MAP1LC3B: variants seen among roughly 807,000 people sequenced by gnomAD.
The protein encoded by MAP1LC3B is microtubule associated protein 1 light chain 3 beta.
MAP1LC3B carries 12 observed loss-of-function variants against 16.7 expected under a neutral mutation model. The ratio of observed to expected loss-of-function variants is 0.72; its 90% CI spans 0.46 to 1.16. The LOEUF (loss-of-function observed/expected upper bound fraction) is 1.16. MAP1LC3B is among the 50% of genes most tolerant of loss of function. The probability of loss-of-function intolerance (pLI) is 0.00; values close to 1 mark genes in which losing one functional copy is unlikely to be tolerated. For missense variants in MAP1LC3B, 155 were observed against 159.5 expected, an observed-to-expected ratio of 0.97 and a Z score of 0.15; for synonymous variants, 63 against 56.5, an observed-to-expected ratio of 1.11 and a Z score of -0.51.
intron 2 of MAP1LC3B, 93 bp from the exon 3 acceptor site, chr16:87,402,082 G>C: frequency 8.2e-7 from 1 of 1,216,936 alleles, no homozygotes; most frequent in Non-Finnish European, 1.2e-6. Context: ...TGATGTGCCC[G>C]CCTCGGCCTC....
At position 87,398,887 on chromosome 16, in the gene MAP1LC3B, C is replaced by T; in HGVS notation, c.96+17C>T. The T allele has an allele frequency of 1.2e-6, 2 of 1,612,494 alleles. No individual in the cohort carries two copies. The highest frequency in any genetic ancestry group is 2.2e-5 in the South Asian group (2 of 91,050). On this transcript the variant is annotated intron_variant, in intron 2 of 3. Coordinates refer to ENST00000268607, the MANE Select transcript of MAP1LC3B (RefSeq NM_022818.5). ...AAAATCCCGGTAGGTAGTCTCAGGC[C>T]TCGGTTTCAGTCATGAATGTACGCA...
At chr16:87,394,050 AG>A (rs1483245629) in intron 1 of MAP1LC3B, among the ~76,000 whole-genome samples, 1 of 152,224 alleles carries the variant, frequency 6.6e-6, no homozygotes, top group Non-Finnish European at 1.5e-5. Context: ...CATCCGAACA[AG>A]GAATTTCCTG....
intron 2 of MAP1LC3B, chr16:87,399,905 C>T: frequency 4.5e-6 from 1 of 220,806 alleles, no homozygotes; most frequent in Non-Finnish European, 9.3e-6. Context: ...TCCTGAATAG[C>T]TGGGACTACA....
intron 1 of MAP1LC3B, among the ~76,000 whole-genome samples, chr16:87,397,842 A>C (rs1907858590): frequency 6.6e-6 from 1 of 150,944 alleles, no homozygotes; most frequent in African/African-American, 2.4e-5. Flanking sequence ...CATCTAAGTC[A>C]TATGTTCACA....
At position 87,403,961 on chromosome 16, in the gene MAP1LC3B, G is replaced by C. The variant is rs1908085234; in HGVS notation, c.*864G>C. ...GGGAGAAACACAAAATAGTATAACT[G>C]AAAACATTAACATTCAGACACACTC... On this transcript the variant is annotated 3_prime_UTR_variant, in exon 4 of 4. Coordinates refer to ENST00000268607, the MANE Select transcript of MAP1LC3B (RefSeq NM_022818.5). 6.6e-6 allele frequency: 1 copy of C among 152,186 alleles called. No homozygotes were observed. The highest frequency in any genetic ancestry group is 2.4e-5 in the African/African-American group (1 of 41,438). 9.4% of individuals were successfully genotyped at this position (152,186 alleles called of 1,614,324 possible).
At chr16:87,400,326 C>A (rs1270530746) in intron 2 of MAP1LC3B, 1 of 151,626 alleles carries the variant, frequency 6.6e-6, no homozygotes, top group Non-Finnish European at 1.5e-5. Context: ...TGCAGGCGCC[C>A]ACCACCATGC....
At chr16:87,399,538 C>A (rs1182717056) in intron 2 of MAP1LC3B, 1 of 443,006 alleles carries the variant, frequency 2.3e-6, no homozygotes, top group Non-Finnish European at 4.5e-6. Context: ...ATTTTTCTTT[C>A]CCAAAGAAGC....
chr16:87,401,387 T>C (rs1276251284), intron 2 of MAP1LC3B, among the ~76,000 whole-genome samples: 1 of 152,202 alleles, frequency 6.6e-6, no homozygotes, highest in East Asian at 1.9e-4. Flanking sequence ...TACTATATTT[T>C]GTAAGGGGTA....
At chr16:87,399,516 G>GT in intron 2 of MAP1LC3B, 1 of 434,902 alleles carries the variant, frequency 2.3e-6, no homozygotes, top group Non-Finnish European at 4.6e-6. Flanking sequence ...ATAGAACAAT[G>GT]TACAAATAAG....
At position 87,404,268 on chromosome 16, in the gene MAP1LC3B, G is replaced by T. The variant is rs937422874; in HGVS notation, c.*1171G>T. The stretch of plus-strand genomic sequence containing the variant: ...CTAGTGCTTCCCAGTACTTGCATGG[G>T]GTTCACTATTTATAGTTTTCTTGGG... On this transcript the variant is annotated 3_prime_UTR_variant, in exon 4 of 4. Coordinates refer to ENST00000268607, the MANE Select transcript of MAP1LC3B (RefSeq NM_022818.5). 6.6e-6 allele frequency: 1 copy of T among 152,080 alleles called. No individual in the cohort carries two copies. The highest frequency in any genetic ancestry group is 1.5e-5 in the Non-Finnish European group (1 of 68,028). 9.4% of individuals were successfully genotyped at this position (152,080 alleles called of 1,614,324 possible).
At chr16:87,392,507 G>A (rs3748397) in intron 1 of MAP1LC3B, 40 bp downstream of exon 1, 1 of 1,293,080 alleles carries the variant, frequency 7.7e-7, no homozygotes, top group Admixed American at 4.3e-5. Flanking sequence ...GGCGGGGCCG[G>A]GGTCCGAGCT....
intron 2 of MAP1LC3B, chr16:87,399,758 C>G: frequency 3.0e-6 from 1 of 329,284 alleles, no homozygotes; most frequent in South Asian, 2.4e-5. Flanking sequence ...AGTGAGGAGC[C>G]AATGGATTAT....
At chr16:87,398,608 T>C (rs1209075404) in intron 1 of MAP1LC3B, among the ~76,000 whole-genome samples, 5 of 152,184 alleles carry the variant, frequency 3.3e-5, no homozygotes, top group African/African-American at 9.7e-5. Flanking sequence ...GATAGAGCCA[T>C]GTATGTTATG....
intron 2 of MAP1LC3B, among the ~76,000 whole-genome samples, chr16:87,400,504 T>C (rs981373139): frequency 2.6e-5 from 4 of 152,072 alleles, no homozygotes; most frequent in African/African-American, 4.8e-5. Context: ...TTTAACCTCA[T>C]TTAAAGAAAT....
intron 2 of MAP1LC3B, 110 bp downstream of exon 2, chr16:87,398,980 TG>T: frequency 1.1e-6 from 1 of 905,378 alleles, no homozygotes; most frequent in Non-Finnish European, 1.8e-6. Flanking sequence ...AGCCAAACCC[TG>T]GGTGTCAGTT....
Position 87,402,196 on chromosome 16 carries a change from G to T in MAP1LC3B, c.118G>T (p.Gly40Cys), listed in dbSNP as rs200880487. ...KIPVIIERYK[G>C]EKQLPVLDKT... ...CCAGGTGATAATAGAACGATACAAG[G>T]GTGAGAAGCAGCTTCCTGTTCTGGA... Residue 40 changes from glycine (G) to cysteine (C), a missense_variant, in exon 3 of 4, where the codon GGT becomes TGT. Gly to Cys is a radical substitution (Grantham distance 159). Transcript: ENST00000268607. 6.2e-7 allele frequency: 1 copy of T among 1,614,060 alleles called. No individual in the cohort carries two copies. Among genetic ancestry groups the T allele is most frequent in the East Asian group, 2.2e-5 (1 of 44,876 alleles).
chr16:87,396,050 AG>A (rs370350991), intron 1 of MAP1LC3B, among the ~76,000 whole-genome samples: 1 of 151,442 alleles, frequency 6.6e-6, no homozygotes, highest in African/African-American at 2.4e-5. Flanking sequence ...TAGTAAAGAC[AG>A]GGTTTCACCG....
chr16:87,392,372 G>T lies in MAP1LC3B; in HGVS notation c.-56G>T. 1.4e-6 allele frequency: 2 copies of T among 1,382,348 alleles called. No individual in the cohort carries two copies. The highest frequency in any genetic ancestry group is 1.6e-5 in the South Asian group (1 of 63,758). 85.6% of individuals were successfully genotyped at this position (1,382,348 alleles called of 1,614,324 possible). A position where few individuals can be genotyped will look rare whatever the true frequency, so the allele number is the denominator to read the frequency against. ...CGCCGCCGCAGCAGCCGCCGCCCCC[G>T]GGAGCCGCCGGGACCCTCGCGTCGT... On this transcript the variant is annotated 5_prime_UTR_variant, in exon 1 of 4. Transcript: ENST00000268607.
At chr16:87,396,380 GA>G (rs1907805180) in intron 1 of MAP1LC3B, among the ~76,000 whole-genome samples, 1 of 151,596 alleles carries the variant, frequency 6.6e-6, no homozygotes, top group Non-Finnish European at 1.5e-5. Flanking sequence ...GATGCTGAGG[GA>G]GGAGAATGGC....
Sources: gnomAD v4.1 joint callset for allele counts (sites outside exome capture counted in the v4.1 genomes callset) on GRCh38, gnomAD v4.1.1 for gene constraint, MANE v1.5 for transcripts, NCBI Gene and HGNC (gene_info 2026-07-23, HGNC 2026-07-21) for gene names.